MACROD2: variants seen among roughly 807,000 people sequenced by gnomAD.
The protein encoded by MACROD2 is ADP-ribose glycohydrolase MACROD2.
A neutral mutation model predicts 70.4 loss-of-function variants in MACROD2; 36 were observed. The observed-to-expected ratio is 0.51, with a 90% CI of 0.39 to 0.68. The LOEUF (loss-of-function observed/expected upper bound fraction) is 0.68, where lower values mean the gene tolerates loss of function less well. MACROD2 is among the 30% of genes least tolerant of loss of function. MACROD2 has a pLI of 0.00. For missense variants in MACROD2, 496 were observed against 538.4 expected, an observed-to-expected ratio of 0.92 and a Z score of 0.78; for synonymous variants, 172 against 178.8, an observed-to-expected ratio of 0.96 and a Z score of 0.30.
intron 5 of MACROD2, among the ~76,000 whole-genome samples, chr20:14,749,862 T>C (rs1377111266): frequency 1.3e-5 from 2 of 152,084 alleles, no homozygotes; most frequent in Non-Finnish European, 2.9e-5. Flanking sequence ...ATGTGAGCTA[T>C]CAAAGTGATC....
chr20:15,836,189 A>G (rs2064112634), intron 8 of MACROD2, among the ~76,000 whole-genome samples: 1 of 152,210 alleles, frequency 6.6e-6, no homozygotes, highest in Admixed American at 6.5e-5. Flanking sequence ...TTACCTTTTG[A>G]TAGTACTCTG....
At chr20:15,105,871 T>C (rs1009264189) in intron 5 of MACROD2, among the ~76,000 whole-genome samples, 2 of 152,136 alleles carry the variant, frequency 1.3e-5, no homozygotes, top group African/African-American at 4.8e-5. Context: ...TCTAAGTTCA[T>C]GCGACGACAA....
intron 6 of MACROD2, among the ~76,000 whole-genome samples, chr20:15,310,020 G>A (rs983781015): frequency 1.3e-5 from 2 of 152,104 alleles, no homozygotes. Flanking sequence ...GACTAATGCA[G>A]GTTTCCATTT....
At chr20:14,589,581 G>A (rs1360703047) in intron 4 of MACROD2, among the ~76,000 whole-genome samples, 1 of 152,132 alleles carries the variant, frequency 6.6e-6, no homozygotes, top group Admixed American at 6.6e-5. Flanking sequence ...TAGCCATTCT[G>A]AGAGTTGCTA....
At chr20:15,085,807 G>A (rs933612469) in intron 5 of MACROD2, among the ~76,000 whole-genome samples, 2 of 150,298 alleles carry the variant, frequency 1.3e-5, no homozygotes, top group South Asian at 2.1e-4. Context: ...GTATTGAGTC[G>A]ATAATATATT....
intron 5 of MACROD2, among the ~76,000 whole-genome samples, chr20:14,791,082 C>T (rs2072445830): frequency 6.6e-6 from 1 of 152,062 alleles, no homozygotes; most frequent in African/African-American, 2.4e-5. Context: ...TGAGAAAATG[C>T]CCTCTGAAAT....
Position 15,321,656 on chromosome 20 carries a change from T to C in MACROD2, c.540+91595T>C, listed in dbSNP as rs2077874443. ...CCTCCTTGATTCTATTAGTTATAGA[T>C]TGGAAAGTGTTTGTCATATACATTA... is the stretch of plus-strand genomic sequence containing the variant. On this transcript the variant is annotated intron_variant, in intron 6 of 17. Coordinates refer to ENST00000684519, the MANE Select transcript of MACROD2 (RefSeq NM_001351661.2). 1.4e-5 allele frequency among the ~76,000 whole-genome samples: 2 copies of C among 144,660 alleles called. 1 individual carries two copies. The highest frequency in any genetic ancestry group is 3.1e-5 in the Non-Finnish European group (2 of 63,896). 94.9% of individuals were successfully genotyped at this position (144,660 alleles called of 152,430 possible).
rs1325470744 is a variant in MACROD2, at chr20:15,533,191, G to GCATTTCTC, written c.645+33346_645+33353dup. 7.9e-5 allele frequency among the ~76,000 whole-genome samples: 12 copies of GCATTTCTC among 152,264 alleles called. 1 individual carries two copies. In the South Asian group the frequency reaches 2.5e-3, roughly 32 times the overall value. On this transcript the variant is annotated intron_variant, in intron 8 of 17. Coordinates refer to ENST00000684519, the MANE Select transcript of MACROD2 (RefSeq NM_001351661.2). ...TGGATGTGCCCTTTAAATAAAGTCAGCATTTCTCCCTAATGATTTTGAGGC... is the reference window on the plus strand; with the variant it reads ...TGGATGTGCCCTTTAAATAAAGTCAGCATTTCTCCATTTCTCCCTAATGATTTTGAGGC...
chr20:15,100,893 G>T (rs1220763847), intron 5 of MACROD2, among the ~76,000 whole-genome samples: 1 of 152,134 alleles, frequency 6.6e-6, no homozygotes, highest in Non-Finnish European at 1.5e-5. Context: ...AGTGCTGTTT[G>T]GTTACATATT....
intron 5 of MACROD2, among the ~76,000 whole-genome samples, chr20:15,223,333 A>G (rs2076877847): frequency 6.6e-6 from 1 of 152,164 alleles, no homozygotes; most frequent in Admixed American, 6.5e-5. Context: ...TCCTTTCTTG[A>G]ATGTGGAGCT....
chr20:15,133,274 C>A (rs534742393), intron 5 of MACROD2, among the ~76,000 whole-genome samples: 1 of 152,124 alleles, frequency 6.6e-6, no homozygotes, highest in South Asian at 2.1e-4. Flanking sequence ...TAATGATAGA[C>A]TGGAGAAAAT....
chr20:14,169,064 AAATG>A (rs2081195812), intron 3 of MACROD2, among the ~76,000 whole-genome samples: 1 of 152,190 alleles, frequency 6.6e-6, no homozygotes, highest in African/African-American at 2.4e-5. Flanking sequence ...ACAAGTCAAT[AAATG>A]TGATACACCG....
intron 6 of MACROD2, among the ~76,000 whole-genome samples, chr20:15,262,960 C>A (rs1056482335): frequency 1.6e-4 from 24 of 151,978 alleles, no homozygotes; most frequent in African/African-American, 5.6e-4. Context: ...AGATGGATAG[C>A]TTGCAAATAT....
In MACROD2 at chr20:14,751,819, A is replaced by T. The variant is rs2123737309; in HGVS notation, c.418+66860A>T. On this transcript the variant is annotated intron_variant, in intron 5 of 17. Coordinates refer to ENST00000684519, the MANE Select transcript of MACROD2 (RefSeq NM_001351661.2). ...TATACTCCACTGATTTTTGTGGGTG[A>T]AACTGCAAAGTCACACAGTAAAGAA... is the stretch of plus-strand genomic sequence containing the variant. 2.1e-5 allele frequency among the ~76,000 whole-genome samples: 3 copies of T among 140,918 alleles called. 1 individual carries two copies. In the South Asian group the frequency reaches 6.7e-4, roughly 31 times the overall value. The allele number at this position is 140,918 out of a possible 152,430, so 92.4% of individuals were successfully genotyped here. A position where few individuals can be genotyped will look rare whatever the true frequency, so the allele number is the denominator to read the frequency against.
intron 8 of MACROD2, among the ~76,000 whole-genome samples, chr20:15,814,319 A>G (rs1198115200): frequency 6.6e-6 from 1 of 152,192 alleles, no homozygotes; most frequent in Non-Finnish European, 1.5e-5. Context: ...GCTGCCAGTG[A>G]CAAGAAATTA....
At chr20:15,546,950 G>A (rs1478382063) in intron 8 of MACROD2, among the ~76,000 whole-genome samples, 1 of 152,166 alleles carries the variant, frequency 6.6e-6, no homozygotes, top group Non-Finnish European at 1.5e-5. Context: ...TGAACAAAAT[G>A]AATGTCCCTA....
chr20:14,804,915 G>C (rs994901152), intron 5 of MACROD2, among the ~76,000 whole-genome samples: 2 of 150,346 alleles, frequency 1.3e-5, no homozygotes, highest in South Asian at 4.2e-4. Context: ...GAGAGAGACA[G>C]AGAGAGAGAA....
chr20:15,450,658 A>G (rs2046628935), intron 7 of MACROD2, among the ~76,000 whole-genome samples: 1 of 152,146 alleles, frequency 6.6e-6, no homozygotes. Flanking sequence ...CCTTCTGTCT[A>G]TGGAATAATT....
rs560074536 is a variant in MACROD2 at position 14,519,569 on chromosome 20, G to A, written c.301+26061G>A. ...TTGTTAAAAAGACAAAAAATAACAGGTGCTGGTGAGGTTGCTGAGAAAAGA... is the reference window on the plus strand; with the variant it reads ...TTGTTAAAAAGACAAAAAATAACAGATGCTGGTGAGGTTGCTGAGAAAAGA... On this transcript the variant is annotated intron_variant, in intron 4 of 17. Transcript: ENST00000684519. Among the ~76,000 whole-genome samples the A allele has an allele frequency of 3.3e-5, 5 of 152,230 alleles. No homozygotes were observed. In the South Asian group the frequency reaches 1.0e-3, roughly 32 times the overall value.
Sources: gnomAD v4.1 joint callset for allele counts (sites outside exome capture counted in the v4.1 genomes callset) on GRCh38, gnomAD v4.1.1 for gene constraint, MANE v1.5 for transcripts, NCBI Gene and HGNC (gene_info 2026-07-23, HGNC 2026-07-21) for gene names.